The following NAALADL2 variants were observed in gnomAD, a reference collection of about 807,000 sequenced individuals.
The protein encoded by NAALADL2 is inactive N-acetylated-alpha-linked acidic dipeptidase-like protein 2.
In NAALADL2, 76 loss-of-function variants were observed where a neutral mutation model predicts 87.2. The ratio of observed to expected loss-of-function variants is 0.87; its 90% confidence interval spans 0.72 to 1.05. The LOEUF (loss-of-function observed/expected upper bound fraction) is 1.05. NAALADL2 is among the 50% of genes least tolerant of loss of function. NAALADL2 has a pLI of 0.00. For synonymous variants in NAALADL2, 354 were observed against 331.0 expected, an observed-to-expected ratio of 1.07 and a Z score of -0.75; for missense variants, 1,089 against 945.8, an observed-to-expected ratio of 1.15 and a Z score of -1.99.
intron 2 of NAALADL2, among the ~76,000 whole-genome samples, chr3:175,098,322 G>A (rs1220388967): frequency 6.6e-6 from 1 of 152,118 alleles, no homozygotes; most frequent in Non-Finnish European, 1.5e-5. Context: ...AGGACCCAGT[G>A]AAGATGTTGG....
chr3:175,147,839 G>A (rs1730971298), intron 2 of NAALADL2, among the ~76,000 whole-genome samples: 1 of 151,972 alleles, frequency 6.6e-6, no homozygotes, highest in African/African-American at 2.4e-5. Flanking sequence ...GGAAGTCAAG[G>A]CAGGTGGAAA....
At chr3:175,547,378 A>T (rs376028070) in intron 9 of NAALADL2, among the ~76,000 whole-genome samples, 7 of 152,124 alleles carry the variant, frequency 4.6e-5, no homozygotes, top group African/African-American at 1.7e-4. Context: ...GAAGATTAAA[A>T]CTGGGCCATT....
At chr3:175,025,248 A>T (rs1483316234) in intron 1 of NAALADL2, among the ~76,000 whole-genome samples, 1 of 152,132 alleles carries the variant, frequency 6.6e-6, no homozygotes, top group Non-Finnish European at 1.5e-5. Context: ...ATATGAAAAA[A>T]AAAAGTTTTC....
chr3:175,420,350 C>G (rs1715483492), intron 5 of NAALADL2, among the ~76,000 whole-genome samples: 1 of 151,954 alleles, frequency 6.6e-6, no homozygotes, highest in Non-Finnish European at 1.5e-5. Flanking sequence ...AATTCTTCTA[C>G]ACCTGAAGGG....
chr3:174,866,096 G>C (rs1364292458), intron 1 of NAALADL2, among the ~76,000 whole-genome samples: 1 of 151,740 alleles, frequency 6.6e-6, no homozygotes, highest in Non-Finnish European at 1.5e-5. Context: ...TCACATTTAT[G>C]GTCTTCAAAT....
At chr3:175,264,443 AC>A (rs1751584995) in intron 4 of NAALADL2, among the ~76,000 whole-genome samples, 1 of 151,798 alleles carries the variant, frequency 6.6e-6, no homozygotes, top group South Asian at 2.1e-4. Flanking sequence ...GCTCACTCAA[AC>A]ATGCAAACCT....
intron 1 of NAALADL2, among the ~76,000 whole-genome samples, chr3:174,929,942 T>C (rs945348380): frequency 6.6e-6 from 1 of 152,196 alleles, no homozygotes; most frequent in Non-Finnish European, 1.5e-5. Context: ...AAGGATTACC[T>C]CTAGCATATA....
At chr3:174,817,943 A>G (rs1430300600) in intron 3 of NAALADL2, among the ~76,000 whole-genome samples, 3 of 152,162 alleles carry the variant, frequency 2.0e-5, no homozygotes, top group African/African-American at 7.2e-5. Flanking sequence ...CACAGCCCAT[A>G]TATTTCTATA....
At chr3:175,770,989 T>C (rs1426949283) in intron 13 of NAALADL2, among the ~76,000 whole-genome samples, 3 of 152,330 alleles carry the variant, frequency 2.0e-5, no homozygotes, top group Non-Finnish European at 4.4e-5. Flanking sequence ...TGCCATCTTT[T>C]TTCCTGAAAT....
At chr3:174,445,240 G>A (rs904091646) in intron 1 of NAALADL2, among the ~76,000 whole-genome samples, 2 of 152,012 alleles carry the variant, frequency 1.3e-5, no homozygotes, top group African/African-American at 2.4e-5. Flanking sequence ...CTTTTAGGTT[G>A]TTAGGTTTCC....
chr3:174,586,227 T>A (rs1716705381), intron 2 of NAALADL2, among the ~76,000 whole-genome samples: 1 of 152,238 alleles, frequency 6.6e-6, no homozygotes, highest in African/African-American at 2.4e-5. Flanking sequence ...TAAATTAACT[T>A]CTTTAGAGAT....
At chr3:174,945,494 C>G (rs2108488986) in intron 1 of NAALADL2, among the ~76,000 whole-genome samples, 1 of 152,242 alleles carries the variant, frequency 6.6e-6, no homozygotes. Flanking sequence ...GTTATAGCAC[C>G]TTTGGAAAGC....
intron 10 of NAALADL2, among the ~76,000 whole-genome samples, chr3:175,582,867 C>G (rs945552518): frequency 6.6e-6 from 1 of 152,144 alleles, no homozygotes; most frequent in African/African-American, 2.4e-5. Context: ...ACGTAATGGC[C>G]AATGATCAAA....
At chr3:175,675,580 G>T (rs927591239) in intron 11 of NAALADL2, 3 of 152,222 alleles carry the variant, frequency 2.0e-5, no homozygotes, top group African/African-American at 4.8e-5. Flanking sequence ...CCAATTAGAT[G>T]AATATAACCC....
intron 2 of NAALADL2, among the ~76,000 whole-genome samples, chr3:175,182,925 A>T (rs77437455): frequency 8.6e-5 from 13 of 152,012 alleles, no homozygotes; most frequent in Admixed American, 2.0e-4. Context: ...ATGATGTGAG[A>T]TTCTTTTTAG....
rs377086418 is a variant in NAALADL2 at position 175,733,236 on chromosome 3, C to T, written c.1897-4070C>T. Among the ~76,000 whole-genome samples the T allele has an allele frequency of 3.2e-4, 49 of 152,122 alleles. No individual in the cohort carries two copies. In the East Asian group the frequency reaches 5.8e-3, roughly 18 times the overall value. On this transcript the variant is annotated intron_variant, in intron 11 of 13. Coordinates refer to ENST00000454872, the MANE Select transcript of NAALADL2 (RefSeq NM_207015.3). ...TTTCACACTGCTGATAAAGACATAC[C>T]GAAGACAAGGCAATTTACGAAGGAA...
At chr3:174,649,392 T>C (rs1031105853) in intron 2 of NAALADL2, among the ~76,000 whole-genome samples, 1 of 152,228 alleles carries the variant, frequency 6.6e-6, no homozygotes, top group Non-Finnish European at 1.5e-5. Flanking sequence ...TTTCTAGTTA[T>C]ATAAAATACA....
intron 1 of NAALADL2, among the ~76,000 whole-genome samples, chr3:174,506,546 T>C (rs1329085838): frequency 6.6e-6 from 1 of 152,168 alleles, no homozygotes; most frequent in East Asian, 1.9e-4. Context: ...TTGATAAACA[T>C]TTAGAATATC....
At chr3:174,768,271 C>G (rs979494464) in intron 3 of NAALADL2, among the ~76,000 whole-genome samples, 1 of 152,038 alleles carries the variant, frequency 6.6e-6, no homozygotes, top group African/African-American at 2.4e-5. Flanking sequence ...TTCTTTTATA[C>G]TTAAGTAAAA....
Sources: allele counts gnomAD v4.1 joint callset (sites outside exome capture counted in the v4.1 genomes callset), GRCh38; gene constraint gnomAD v4.1.1; transcripts MANE v1.5; gene names NCBI Gene and HGNC (gene_info 2026-07-23, HGNC 2026-07-21).